GRIP1: variants seen among roughly 807,000 people sequenced by gnomAD.
GRIP1 encodes glutamate receptor-interacting protein 1.
A neutral mutation model predicts 129.9 loss-of-function variants in GRIP1; 45 were observed. The ratio of observed to expected loss-of-function variants is 0.35; its 90% CI spans 0.27 to 0.44. The LOEUF (loss-of-function observed/expected upper bound fraction) is 0.44. Ranked by LOEUF, GRIP1 falls within the 20% of genes least tolerant of loss-of-function variation. The pLI is 1.00. For missense variants in GRIP1, 1,196 were observed against 1,396.8 expected (o/e 0.86, Z 2.29); for synonymous variants, 530 against 520.8 (o/e 1.02, Z -0.24).
intron 1 of GRIP1, among the ~76,000 whole-genome samples, chr12:67,049,638 T>A (rs1412201460): frequency 6.6e-6 from 1 of 151,876 alleles, no homozygotes; most frequent in East Asian, 1.9e-4. Flanking sequence ...AGATGATGGG[T>A]TGATAGGTGC....
At chr12:66,838,672 C>A (rs1242576924) in intron 1 of GRIP1, among the ~76,000 whole-genome samples, 1 of 152,162 alleles carries the variant, frequency 6.6e-6, no homozygotes, top group Non-Finnish European at 1.5e-5. Flanking sequence ...GATAAGGGGG[C>A]ACAATGTACT....
chr12:66,438,520 T>C (rs561206624), intron 13 of GRIP1, among the ~76,000 whole-genome samples: 19 of 151,734 alleles, frequency 1.3e-4, no homozygotes, highest in East Asian at 7.8e-4. Flanking sequence ...CGGAGTTTTT[T>C]TTTTTTGCTC....
chr12:66,447,331 G>A (rs2058659174), intron 11 of GRIP1, among the ~76,000 whole-genome samples: 1 of 152,204 alleles, frequency 6.6e-6, no homozygotes, highest in Admixed American at 6.5e-5. Flanking sequence ...TTGTTACTAA[G>A]TTGCTGAAGG....
At chr12:67,051,722 C>T (rs207473027) in intron 1 of GRIP1, among the ~76,000 whole-genome samples, 34 of 152,142 alleles carry the variant, frequency 2.2e-4, no homozygotes, top group Non-Finnish European at 3.4e-4. Flanking sequence ...GCTGGCAAAA[C>T]GCATCCCGTC....
chr12:66,516,208 A>G (rs2060840024), intron 6 of GRIP1, among the ~76,000 whole-genome samples: 2 of 152,282 alleles, frequency 1.3e-5, no homozygotes, highest in South Asian at 4.1e-4. Context: ...GCTGGTAAGA[A>G]ATCTCCCTTG....
intron 1 of GRIP1, among the ~76,000 whole-genome samples, chr12:67,061,088 C>T (rs1388736034): frequency 2.0e-5 from 3 of 152,270 alleles, no homozygotes; most frequent in East Asian, 3.9e-4. Flanking sequence ...AACTTTGTTG[C>T]ATTACTTGAG....
chr12:66,636,711 A>ATC lies in GRIP1; in HGVS notation c.56-39786_56-39785dup, dbSNP rs199562605. Among the ~76,000 whole-genome samples the ATC allele has an allele frequency of 9.8e-3, 1,069 of 109,162 alleles. 13 individuals are homozygous for ATC. Among genetic ancestry groups the ATC allele is most frequent in the African/African-American group, 0.037 (910 of 24,528 alleles). The allele number at this position is 109,162 out of a possible 152,430, so 71.6% of individuals were successfully genotyped here. On this transcript the variant is annotated intron_variant, in intron 1 of 24. Coordinates refer to ENST00000359742, the MANE Select transcript of GRIP1 (RefSeq NM_001366722.1). ...TTTATAAAACAGGGGGAGACATTAGATCTCTGTGTGTGTGTGTGTGTGTGT... is the reference window on the plus strand; with the variant it reads ...TTTATAAAACAGGGGGAGACATTAGATCTCTCTGTGTGTGTGTGTGTGTGTGT...
chr12:66,598,130 G>A (rs1388505432), intron 1 of GRIP1, among the ~76,000 whole-genome samples: 1 of 152,232 alleles, frequency 6.6e-6, no homozygotes, highest in South Asian at 2.1e-4. Context: ...GATTTATTCA[G>A]AACAAGGCCT....
intron 1 of GRIP1, among the ~76,000 whole-genome samples, chr12:67,019,801 T>TAC (rs61084842): frequency 0.039 from 5,935 of 151,358 alleles, 380 homozygotes; most frequent in African/African-American, 0.14. Context: ...TTATAATATA[T>TAC]ACACACACAC....
intron 1 of GRIP1, among the ~76,000 whole-genome samples, chr12:66,885,428 C>CA (rs950706511): frequency 5.9e-5 from 9 of 151,744 alleles, no homozygotes; most frequent in African/African-American, 2.2e-4. Flanking sequence ...TGGTCTGAGA[C>CA]AAAAAAAATC....
chr12:66,917,077 T>C (rs770844710), intron 1 of GRIP1, among the ~76,000 whole-genome samples: 13 of 152,230 alleles, frequency 8.5e-5, no homozygotes, highest in Non-Finnish European at 1.9e-4. Flanking sequence ...TTTCTCAGAT[T>C]TACTAAATTT....
chr12:66,961,436 A>G (rs2041919508), intron 1 of GRIP1, among the ~76,000 whole-genome samples: 1 of 152,286 alleles, frequency 6.6e-6, no homozygotes, highest in East Asian at 1.9e-4. Flanking sequence ...AGAGTTTGCT[A>G]TTTGGATTTT....
intron 1 of GRIP1, among the ~76,000 whole-genome samples, chr12:66,838,019 C>A (rs1261337401): frequency 1.3e-5 from 2 of 152,088 alleles, no homozygotes; most frequent in Non-Finnish European, 2.9e-5. Context: ...CATGGTGAAA[C>A]CCTGTGCCTA....
At chr12:66,677,657 C>T (rs898440369) in intron 1 of GRIP1, among the ~76,000 whole-genome samples, 1 of 152,164 alleles carries the variant, frequency 6.6e-6, no homozygotes, top group Non-Finnish European at 1.5e-5. Flanking sequence ...AAAGGACTCA[C>T]TCTGCTATCC....
chr12:67,065,491 A>T (rs1182547512), intron 1 of GRIP1, among the ~76,000 whole-genome samples: 1 of 152,226 alleles, frequency 6.6e-6, no homozygotes, highest in Non-Finnish European at 1.5e-5. Flanking sequence ...CTAATGTGAA[A>T]TGCACTTAAC....
intron 1 of GRIP1, among the ~76,000 whole-genome samples, chr12:67,014,303 A>G: frequency 6.6e-6 from 1 of 152,188 alleles, no homozygotes; most frequent in East Asian, 1.9e-4. Flanking sequence ...TTCACTTCCA[A>G]AAGTATTCTG....
chr12:66,810,461 G>C (rs2136950023), intron 1 of GRIP1, among the ~76,000 whole-genome samples: 1 of 152,302 alleles, frequency 6.6e-6, no homozygotes, highest in African/African-American at 2.4e-5. Context: ...GGGAGGCTTA[G>C]GCAGCAGAAT....
At chr12:66,616,649 C>G (rs1460452054) in intron 1 of GRIP1, among the ~76,000 whole-genome samples, 2 of 152,064 alleles carry the variant, frequency 1.3e-5, no homozygotes, top group Non-Finnish European at 2.9e-5. Flanking sequence ...ATGGGGAGAT[C>G]TTAGCCTCCA....
At chr12:66,404,500 C>T (rs1050820861) in intron 16 of GRIP1, among the ~76,000 whole-genome samples, 5 of 152,176 alleles carry the variant, frequency 3.3e-5, no homozygotes, top group Non-Finnish European at 5.9e-5. Context: ...ATGGCATGCT[C>T]CAGAGCAATA....
Sources: gnomAD v4.1 joint callset for allele counts (sites outside exome capture counted in the v4.1 genomes callset) on GRCh38, gnomAD v4.1.1 for gene constraint, MANE v1.5 for transcripts, NCBI Gene and HGNC (gene_info 2026-07-23, HGNC 2026-07-21) for gene names.